MICAL2: variants seen among roughly 807,000 people sequenced by gnomAD.
MICAL2 encodes microtubule associated monooxygenase, calponin and LIM domain containing 2.
Under a neutral mutation model 127.3 loss-of-function variants are expected in MICAL2, and 77 were observed. That is an observed-to-expected ratio of 0.60 (90% CI 0.50 to 0.73). The LOEUF is 0.73. Ranked by LOEUF, MICAL2 falls within the 30% of genes least tolerant of loss-of-function variation. The pLI, the probability that MICAL2 is intolerant of heterozygous loss-of-function variation, is 0.00. For synonymous variants in MICAL2, 570 were observed against 551.1 expected (o/e 1.03, Z -0.48); for missense variants, 1,351 against 1,434.4 (o/e 0.94, Z 0.94).
chr11:12,188,117 C>T (rs567657604), intron 3 of MICAL2, among the ~76,000 whole-genome samples: 2 of 152,298 alleles, frequency 1.3e-5, no homozygotes, highest in South Asian at 4.1e-4. Flanking sequence ...TGTGGTAAGT[C>T]CGCATTGAGC....
chr11:12,353,166 G>A (rs1939079445), intron 33 of MICAL2, among the ~76,000 whole-genome samples: 1 of 152,150 alleles, frequency 6.6e-6, no homozygotes, highest in African/African-American at 2.4e-5. Flanking sequence ...ATAACAAAGC[G>A]ACCCCAGCAC....
At position 12,156,600 on chromosome 11, in the gene MICAL2, G is replaced by A. The variant is rs181415136; in HGVS notation, c.-77-5479G>A. Among the ~76,000 whole-genome samples, 384 of 152,266 alleles carry A rather than the reference G, an allele frequency of 2.5e-3. 5 individuals carry two copies. The highest frequency in any genetic ancestry group is 0.022 in the Admixed American group (337 of 15,298). ...TCAGTCCCTTCCCTACCCTGGAAGT[G>A]CTCCTTTTGGTTAAATTGGGTGCCT... is the stretch of plus-strand genomic sequence containing the variant. On this transcript the variant is annotated intron_variant, in intron 2 of 27. Transcript: ENST00000683283.
rs1467823529 is a variant in MICAL2 at position 12,155,592 on chromosome 11, A to T, written c.-77-6487A>T. Among the ~76,000 whole-genome samples, 3 of 152,234 alleles carry T rather than the reference A, an allele frequency of 2.0e-5. No homozygotes were observed. The East Asian group carries it at 5.8e-4, about 29-fold the overall frequency. On this transcript the variant is annotated intron_variant, in intron 2 of 27. Transcript: ENST00000683283. ...CACACATATATACATACATGAAATA[A>T]TCACACATGGCAAACATAGTTGTGT...
intron 2 of MICAL2, among the ~76,000 whole-genome samples, chr11:12,148,627 T>C (rs1478878167): frequency 6.6e-6 from 1 of 152,146 alleles, no homozygotes; most frequent in Non-Finnish European, 1.5e-5. Context: ...CTTGATTTGA[T>C]TGTATCTACC....
chr11:12,211,304 A>G (rs10741570), intron 6 of MICAL2, among the ~76,000 whole-genome samples: 97,635 of 152,064 alleles, frequency 0.64, 31,882 homozygotes, highest in African/African-American at 0.78. Flanking sequence ...TTGCTTGAAC[A>G]CAGGAGGTGG....
chr11:12,173,290 A>G (rs11022223), intron 3 of MICAL2, among the ~76,000 whole-genome samples: 57,933 of 152,056 alleles, frequency 0.38, 11,245 homozygotes, highest in East Asian at 0.55. Flanking sequence ...GAAAGATTTT[A>G]TTCTCAGGAC....
chr11:12,189,741 A>G (rs1017344191), intron 3 of MICAL2, among the ~76,000 whole-genome samples: 1 of 152,130 alleles, frequency 6.6e-6, no homozygotes, highest in African/African-American at 2.4e-5. Flanking sequence ...TGAGCCAGCT[A>G]TGGCTCACGT....
downstream of MICAL2, among the ~76,000 whole-genome samples, chr11:12,291,592 T>C (rs1212310607): frequency 6.6e-6 from 1 of 151,790 alleles, no homozygotes; most frequent in East Asian, 1.9e-4. Flanking sequence ...GATTTGATAC[T>C]CACTGTAACC....
chr11:12,135,274 A>G (rs1001567350), intron 1 of MICAL2, among the ~76,000 whole-genome samples: 4 of 152,242 alleles, frequency 2.6e-5, no homozygotes, highest in Admixed American at 2.6e-4. Context: ...ACTTTATGCA[A>G]GACACATTCT....
In MICAL2 at chr11:12,251,577, TAAAAAAAAAAAAA is replaced by T. The variant is rs536942703; in HGVS notation, c.2847+2346_2847+2358del. Reference sequence around the variant, plus strand: ...CCTTAAGGGTGCTTCCATTTCACTTTAAAAAAAAAAAAAAAAAAAAAAAAAAAGGAATGTCACC... The same window carrying T: ...CCTTAAGGGTGCTTCCATTTCACTTTAAAAAAAAAAAAAAGGAATGTCACC... On this transcript the variant is annotated intron_variant, in intron 22 of 27. Coordinates refer to ENST00000683283, the MANE Select transcript of MICAL2 (RefSeq NM_001282663.2). 9.9e-4 allele frequency among the ~76,000 whole-genome samples: 93 copies of T among 93,840 alleles called. 2 individuals are homozygous for T. In the South Asian group the frequency reaches 0.021, roughly 22 times the overall value. The allele number at this position is 93,840 out of a possible 152,430, so 61.6% of individuals were successfully genotyped here.
chr11:12,195,527 A>G (rs2134057049), intron 3 of MICAL2, among the ~76,000 whole-genome samples: 1 of 152,234 alleles, frequency 6.6e-6, no homozygotes, highest in Non-Finnish European at 1.5e-5. Flanking sequence ...AAGTATTATA[A>G]TGAAATGTTG....
intron 1 of MICAL2, among the ~76,000 whole-genome samples, chr11:12,128,225 T>TA (rs1851109605): frequency 6.6e-6 from 1 of 152,222 alleles, no homozygotes; most frequent in African/African-American, 2.4e-5. Context: ...GTACTACTGT[T>TA]ACCACCAGAT....
At chr11:12,345,116 C>CAAAAAAAAAAAAA (rs796748173) in intron 32 of MICAL2, among the ~76,000 whole-genome samples, 28 of 110,552 alleles carry the variant, frequency 2.5e-4, no homozygotes, top group African/African-American at 9.7e-4. Context: ...GAATCCATCT[C>CAAAAAAAAAAAAA]AAAAAAAAAA....
chr11:12,153,616 T>C (rs1853835481), intron 2 of MICAL2, among the ~76,000 whole-genome samples: 1 of 152,176 alleles, frequency 6.6e-6, no homozygotes, highest in Admixed American at 6.5e-5. Flanking sequence ...TTTTGTATTT[T>C]TGGTAGAGAT....
At chr11:12,194,688 C>T (rs539108985) in intron 3 of MICAL2, among the ~76,000 whole-genome samples, 15 of 152,074 alleles carry the variant, frequency 9.9e-5, no homozygotes, top group African/African-American at 3.1e-4. Context: ...CTTTTGTTCT[C>T]CAGAAGAAGA....
intron 20 of MICAL2, among the ~76,000 whole-genome samples, chr11:12,243,763 G>A (rs755192437): frequency 3.9e-5 from 6 of 152,288 alleles, no homozygotes; most frequent in Non-Finnish European, 7.4e-5. Flanking sequence ...GAGCTATTTC[G>A]GTGTGACAAG....
intron 3 of MICAL2, among the ~76,000 whole-genome samples, chr11:12,177,984 C>G (rs1565103131): frequency 6.6e-6 from 1 of 152,238 alleles, no homozygotes; most frequent in Admixed American, 6.5e-5. Flanking sequence ...ATAAGAGTGT[C>G]TTTTGCATGC....
At chr11:12,189,862 G>T (rs537827459) in intron 3 of MICAL2, among the ~76,000 whole-genome samples, 1 of 152,150 alleles carries the variant, frequency 6.6e-6, no homozygotes, top group African/African-American at 2.4e-5. Flanking sequence ...TGTGAGGGGA[G>T]GCTTTCCAGA....
intron 30 of MICAL2, among the ~76,000 whole-genome samples, chr11:12,321,241 A>C (rs1864291505): frequency 1.3e-5 from 2 of 152,178 alleles, no homozygotes; most frequent in East Asian, 3.9e-4. Flanking sequence ...CCACTCTTAC[A>C]CTAAGGGAAG....
Sources: gnomAD v4.1 joint callset for allele counts (sites outside exome capture counted in the v4.1 genomes callset) on GRCh38, gnomAD v4.1.1 for gene constraint, MANE v1.5 for transcripts, NCBI Gene and HGNC (gene_info 2026-07-23, HGNC 2026-07-21) for gene names.